Variants in PZP observed in about 807,000 individuals in gnomAD.
PZP encodes pregnancy zone protein.
PZP carries 150 observed loss-of-function variants against 179.8 expected under a neutral mutation model. That is an observed-to-expected ratio of 0.83 (90% CI 0.73 to 0.96). The LOEUF (loss-of-function observed/expected upper bound fraction) is 0.96. Ranked by LOEUF, PZP falls within the 40% of genes least tolerant of loss-of-function variation. The probability of loss-of-function intolerance (pLI) is 0.00; values close to 1 mark genes in which losing one functional copy is unlikely to be tolerated. For missense variants in PZP, 1,689 were observed against 1,764.0 expected (o/e 0.96, Z 0.76); for synonymous variants, 624 against 652.3 (o/e 0.96, Z 0.66).
chr12:9,204,734 T>G (rs984303681), intron 1 of PZP, among the ~76,000 whole-genome samples: 2 of 152,166 alleles, frequency 1.3e-5, no homozygotes, highest in African/African-American at 4.8e-5. Flanking sequence ...TATTAGTATG[T>G]CCATGTTTAT....
chr12:9,181,045 G>T lies in PZP; in HGVS notation c.1777C>A (p.Leu593Ile). The T allele has an allele frequency of 6.2e-7, 1 of 1,614,202 alleles. No individual in the cohort carries two copies. The highest frequency in any genetic ancestry group is 8.5e-7 in the Non-Finnish European group (1 of 1,180,020). ...AGCACACTTTGGTCCACAGCACGAA[G>T]GGCACAGAGGGACTGCGGAGCAGCT... is the stretch of plus-strand genomic sequence containing the variant. ...VAAAPQSLCA[L>I]RAVDQSVLLM... Residue 593 changes from leucine (L) to isoleucine (I), a missense_variant, in exon 15 of 36, where the codon CTT (leucine) becomes ATT (isoleucine). By Grantham distance (5) the Leu-to-Ile change is conservative (BLOSUM62 2). Around this residue, in one of 3 missense-constraint regions of PZP, gnomAD observed 742 missense variants for 730.5 expected, o/e 1.02. Coordinates refer to ENST00000261336, the MANE Select transcript of PZP (RefSeq NM_002864.3).
rs774636314 is a variant in PZP, at chr12:9,149,591, C to T, written c.4396G>A (p.Val1466Ile). Residue 1466 changes from valine (V) to isoleucine (I), a missense_variant, in exon 35 of 36, where the codon GTT becomes ATT. Val to Ile is a conservative substitution (Grantham distance 29). Around this residue, in one of 3 missense-constraint regions of PZP, gnomAD observed 746 missense variants for 749.2 expected, o/e 1.00. Coordinates refer to ENST00000261336, the MANE Select transcript of PZP (RefSeq NM_002864.3). ...CTGCAGGGGGCGATATACTCAGCAA[C>T]CACAGACTCATCTGAAAGATAACGT... ...YDYYETDESVVAEYIAPCSTD... is the reference protein window; with the variant it reads ...YDYYETDESVIAEYIAPCSTD... 1.2e-6 allele frequency: 2 copies of T among 1,612,716 alleles called. No homozygotes were observed. The highest frequency in any genetic ancestry group is 3.3e-5 in the Admixed American group (2 of 59,932).
At chr12:9,153,580 T>C (rs1017745265) in intron 29 of PZP, among the ~76,000 whole-genome samples, 3 of 152,260 alleles carry the variant, frequency 2.0e-5, no homozygotes, top group Admixed American at 1.3e-4. Flanking sequence ...TTATTTTCAT[T>C]GACAGTCCTT....
At chr12:9,207,291 A>G (rs1944483301) in intron 1 of PZP, among the ~76,000 whole-genome samples, 1 of 152,122 alleles carries the variant, frequency 6.6e-6, no homozygotes. Context: ...TGCAAGAGAG[A>G]GGTAGAAGTT....
chr12:9,206,447 T>C (rs1278702865), intron 1 of PZP, among the ~76,000 whole-genome samples: 2 of 152,198 alleles, frequency 1.3e-5, no homozygotes, highest in Non-Finnish European at 2.9e-5. Context: ...TCATTGGTAG[T>C]GAGCTGCTAA....
intron 13 of PZP, among the ~76,000 whole-genome samples, chr12:9,183,557 G>A (rs1422710332): frequency 6.6e-6 from 1 of 152,054 alleles, no homozygotes; most frequent in Admixed American, 6.6e-5. Flanking sequence ...ACAACACCAC[G>A]TTTGGCTAAT....
At chr12:9,206,006 A>G (rs74851488) in intron 1 of PZP, among the ~76,000 whole-genome samples, 1,603 of 152,308 alleles carry the variant, frequency 0.011, 17 homozygotes, top group Non-Finnish European at 0.017. Context: ...TCCAAGTTTC[A>G]GATGATTTTA....
chr12:9,157,157 A>T lies in PZP; in HGVS notation c.3550+18T>A. ...TATGTGTTCTCATTGTTCAGCTCCC[A>T]CTTATAAGTGCTCTCACCTTCTTTC... On this transcript the variant is annotated intron_variant, in intron 28 of 35. Transcript: ENST00000261336. 6.2e-7 allele frequency: 1 copy of T among 1,607,058 alleles called. No individual in the cohort carries two copies.
At chr12:9,176,130 A>G (rs1942348469) in intron 15 of PZP, among the ~76,000 whole-genome samples, 1 of 152,242 alleles carries the variant, frequency 6.6e-6, no homozygotes, top group South Asian at 2.1e-4. Flanking sequence ...ATGCAGCCAT[A>G]AAAAGGATGA....
chr12:9,142,719 G>A, the PZP span, among the ~76,000 whole-genome samples: 1 of 152,180 alleles, frequency 6.6e-6, no homozygotes, highest in Non-Finnish European at 1.5e-5. Context: ...TGGCCTTTGG[G>A]TGAGGCCCTT....
chr12:9,152,156 G>T, intron 32 of PZP, 64 bp downstream of exon 32: 2 of 1,166,460 alleles, frequency 1.7e-6, no homozygotes, highest in Non-Finnish European at 2.6e-6. Context: ...TATTGGTATG[G>T]TCTTAGTTTG....
chr12:9,149,800 A>C (rs1366749221), intron 34 of PZP, among the ~76,000 whole-genome samples, 198 bp from the exon 35 acceptor site: 3 of 152,212 alleles, frequency 2.0e-5, no homozygotes, highest in African/African-American at 2.4e-5. Flanking sequence ...ATGGGGACTG[A>C]AGCCTGTTCA....
chr12:9,155,313 A>C (rs1327534009), intron 28 of PZP, among the ~76,000 whole-genome samples: 2 of 152,056 alleles, frequency 1.3e-5, no homozygotes, highest in African/African-American at 4.8e-5. Flanking sequence ...TTTCTCTCCA[A>C]CTGAATCAGT....
chr12:9,168,879 T>G lies in PZP; in HGVS notation c.2097A>C (p.Gly699=). The G allele has an allele frequency of 6.2e-7, 1 of 1,613,164 alleles. No individual in the cohort carries two copies. Among genetic ancestry groups the G allele is most frequent in the Non-Finnish European group, 8.5e-7 (1 of 1,179,256 alleles). ...AAATTGCTGTTTTACCTCCATAGTA[T>G]CCTTGACCTACTGCTCCTGCAGACA... ...PSVSAGAVGQ[G]YYGAGLGVVE... Residue 699 remains glycine, a synonymous_variant, in exon 17 of 36, where the codon GGA becomes GGC. Transcript: ENST00000261336.
Position 9,157,854 on chromosome 12 carries a change from C to A in PZP, c.3295-13G>T, listed in dbSNP as rs1371321650. On this transcript the variant is annotated splice_polypyrimidine_tract_variant and intron_variant, in intron 26 of 35. Transcript: ENST00000261336. Reference sequence around the variant, plus strand: ...CTTCTACACCTCCCTGTGAATACAACATTGATTTGATTAATTCCAGTGCCA... The same window carrying A: ...CTTCTACACCTCCCTGTGAATACAAAATTGATTTGATTAATTCCAGTGCCA... The A allele has an allele frequency of 6.2e-7, 1 of 1,606,124 alleles. No individual in the cohort carries two copies. Among genetic ancestry groups the A allele is most frequent in the South Asian group, 1.1e-5 (1 of 90,634 alleles).
intron 10 of PZP, among the ~76,000 whole-genome samples, chr12:9,195,105 C>CA (rs952833583): frequency 2.0e-5 from 3 of 151,328 alleles, no homozygotes; most frequent in African/African-American, 4.9e-5. Context: ...GAATTTTTAG[C>CA]AAAAAAAGGA....
At chr12:9,149,968 C>T (rs1357052941) in intron 34 of PZP, among the ~76,000 whole-genome samples, 1 of 152,174 alleles carries the variant, frequency 6.6e-6, no homozygotes, top group African/African-American at 2.4e-5. Context: ...AAACACTCCT[C>T]CTACTTCTAT....
chr12:9,149,004 AAAG>A lies in PZP; in HGVS notation c.4427-13_4427-11del. The stretch of plus-strand genomic sequence containing the variant: ...TTTCCATGCTCTGTATCTATGGAGA[AAAG>A]AAAAACGTAAGGAGGTTGTATCATT... On this transcript the variant is annotated splice_polypyrimidine_tract_variant and intron_variant, in intron 35 of 35. Transcript: ENST00000261336. 6.2e-7 allele frequency: 1 copy of A among 1,610,428 alleles called. No homozygotes were observed. The highest frequency in any genetic ancestry group is 8.5e-7 in the Non-Finnish European group (1 of 1,176,692).
At chr12:9,187,786 C>T (rs1943214806) in intron 13 of PZP, among the ~76,000 whole-genome samples, 1 of 152,224 alleles carries the variant, frequency 6.6e-6, no homozygotes, top group African/African-American at 2.4e-5. Flanking sequence ...GTCAGCTGTG[C>T]TGTGCAGGTG....
Sources: allele counts gnomAD v4.1 joint callset (sites outside exome capture counted in the v4.1 genomes callset), GRCh38; gene constraint gnomAD v4.1.1; regional missense constraint gnomAD v4.1.1; transcripts MANE v1.5; gene names NCBI Gene and HGNC (gene_info 2026-07-23, HGNC 2026-07-21).